Variants in ERC2 observed in about 807,000 individuals in gnomAD.
ERC2 encodes ERC protein 2.
Under a neutral mutation model 114.8 loss-of-function variants are expected in ERC2, and 42 were observed. The observed-to-expected ratio is 0.37, with a 90% CI of 0.29 to 0.47. ERC2 has a LOEUF of 0.47. Among genes scored for constraint, ERC2 ranks in the 20% least tolerant of loss-of-function variants. The pLI is 0.99. For synonymous variants in ERC2, 454 were observed against 425.5 expected, an observed-to-expected ratio of 1.07 and a Z score of -0.82; for missense variants, 939 against 1,150.7, an observed-to-expected ratio of 0.82 and a Z score of 2.66.
At chr3:55,594,063 C>T (rs755203342) in intron 17 of ERC2, among the ~76,000 whole-genome samples, 3 of 152,168 alleles carry the variant, frequency 2.0e-5, no homozygotes, top group Non-Finnish European at 4.4e-5. Context: ...GAACTGTCTC[C>T]CTCTTTTACT....
intron 3 of ERC2, among the ~76,000 whole-genome samples, chr3:56,204,271 T>C (rs895023752): frequency 6.6e-6 from 1 of 152,136 alleles, no homozygotes; most frequent in African/African-American, 2.4e-5. Flanking sequence ...GTTGTTTGTC[T>C]TGCTCACAAC....
rs532614227 is a variant in ERC2, at chr3:55,592,148, C to T, written c.*40-80872G>A. Among the ~76,000 whole-genome samples the T allele has an allele frequency of 5.3e-5, 8 of 152,272 alleles. No individual in the cohort carries two copies. In the South Asian group the frequency reaches 1.0e-3, roughly 20 times the overall value. ...CCTTGAGCCTCTGGTTGCTCATGAA[C>T]GAATCCGGCTTCCTCAAAGTCTGCC... is the stretch of plus-strand genomic sequence containing the variant. On this transcript the variant is annotated intron_variant, in intron 17 of 17. Transcript: ENST00000288221.
chr3:56,164,575 C>A (rs536633840), intron 4 of ERC2, among the ~76,000 whole-genome samples: 4 of 151,926 alleles, frequency 2.6e-5, no homozygotes, highest in African/African-American at 7.2e-5. Flanking sequence ...GTGTTTTGTG[C>A]GGACATATGT....
chr3:56,389,256 G>A (rs1042178956), intron 2 of ERC2, among the ~76,000 whole-genome samples: 25 of 152,110 alleles, frequency 1.6e-4, no homozygotes, highest in African/African-American at 5.8e-4. Flanking sequence ...TGGAGAAATC[G>A]TGCTAGTCAA....
chr3:55,723,802 A>AT (rs951390072), intron 15 of ERC2, among the ~76,000 whole-genome samples: 1 of 152,252 alleles, frequency 6.6e-6, no homozygotes, highest in African/African-American at 2.4e-5. Flanking sequence ...GACAAAATCA[A>AT]TATCACTTTA....
intron 14 of ERC2, among the ~76,000 whole-genome samples, chr3:55,780,443 A>G (rs2068946839): frequency 2.0e-5 from 3 of 152,222 alleles, no homozygotes; most frequent in African/African-American, 7.2e-5. Context: ...TTCCATTCAT[A>G]ATAGCTAATA....
chr3:56,006,179 T>C (rs563708450), intron 10 of ERC2, among the ~76,000 whole-genome samples: 1 of 152,176 alleles, frequency 6.6e-6, no homozygotes, highest in African/African-American at 2.4e-5. Flanking sequence ...CCTAAACATC[T>C]CTGTAAAGTG....
intron 7 of ERC2, among the ~76,000 whole-genome samples, chr3:56,053,257 G>C (rs1482974544): frequency 6.6e-6 from 1 of 152,118 alleles, no homozygotes; most frequent in Non-Finnish European, 1.5e-5. Context: ...GCCACGAGTG[G>C]GTAAACTGAA....
chr3:56,390,686 CTTAAG>C (rs1467324842), intron 2 of ERC2, among the ~76,000 whole-genome samples: 1 of 152,154 alleles, frequency 6.6e-6, no homozygotes, highest in African/African-American at 2.4e-5. Context: ...CAAGAAGATT[CTTAAG>C]TTATCTTTGG....
Position 55,709,526 on chromosome 3 carries a change from A to G in ERC2, c.2713-10014T>C, listed in dbSNP as rs568166900. On this transcript the variant is annotated intron_variant, in intron 15 of 17. Coordinates refer to ENST00000288221, the MANE Select transcript of ERC2 (RefSeq NM_015576.3). ...GGAGAACGGACTGGGCAAGCAGAGG[A>G]GACTAGAAACTCAGGTCAGCCCAGA... Among the ~76,000 whole-genome samples the G allele has an allele frequency of 6.8e-4, 104 of 152,228 alleles. 1 individual carries two copies. Among genetic ancestry groups the G allele is most frequent in the Non-Finnish European group, 8.1e-4 (55 of 68,024 alleles).
chr3:55,767,484 G>A (rs1212798170), intron 14 of ERC2, among the ~76,000 whole-genome samples: 4 of 152,242 alleles, frequency 2.6e-5, no homozygotes, highest in South Asian at 2.1e-4. Context: ...GTGGACAGAC[G>A]CCCAGCTCCA....
intron 17 of ERC2, among the ~76,000 whole-genome samples, chr3:55,621,893 A>T (rs1419508875): frequency 6.6e-6 from 1 of 152,218 alleles, no homozygotes; most frequent in African/African-American, 2.4e-5. Context: ...CATCCCTGCC[A>T]AGCAGCAGTG....
chr3:55,828,676 G>A (rs1157793571), intron 14 of ERC2, among the ~76,000 whole-genome samples: 4 of 152,210 alleles, frequency 2.6e-5, no homozygotes, highest in East Asian at 1.9e-4. Context: ...CTGTGCATGT[G>A]TACAATAGAT....
At chr3:56,072,249 G>A (rs1224790755) in intron 7 of ERC2, 2 of 153,658 alleles carry the variant, frequency 1.3e-5, no homozygotes, top group Admixed American at 6.6e-5. Context: ...TGGTCAAAGA[G>A]GACGACATCC....
intron 3 of ERC2, among the ~76,000 whole-genome samples, chr3:56,198,059 G>T (rs1473162107): frequency 1.3e-5 from 2 of 152,148 alleles, no homozygotes; most frequent in African/African-American, 4.8e-5. Context: ...CATACAAATG[G>T]ATGATGACCA....
intron 3 of ERC2, among the ~76,000 whole-genome samples, chr3:56,176,543 A>C (rs1273753025): frequency 6.6e-6 from 1 of 152,034 alleles, no homozygotes; most frequent in African/African-American, 2.4e-5. Context: ...CCTCTGTGTC[A>C]CTCCTTTAAA....
chr3:55,580,051 T>C (rs2057181531), intron 17 of ERC2, among the ~76,000 whole-genome samples: 1 of 152,232 alleles, frequency 6.6e-6, no homozygotes, highest in Non-Finnish European at 1.5e-5. Flanking sequence ...AAAGGTGATA[T>C]GATAGTTTGG....
intron 13 of ERC2, among the ~76,000 whole-genome samples, chr3:55,926,410 G>GTT (rs751754925): frequency 4.4e-4 from 6 of 13,528 alleles, no homozygotes; most frequent in Non-Finnish European, 8.1e-4. Flanking sequence ...TTTGTTTTTT[G>GTT]TTTTTAAAAA....
chr3:55,592,840 C>T (rs1412696892), intron 17 of ERC2, among the ~76,000 whole-genome samples: 1 of 152,192 alleles, frequency 6.6e-6, no homozygotes, highest in Admixed American at 6.5e-5. Flanking sequence ...CACCTACCCA[C>T]CTTTGGTAGC....
Sources: allele counts gnomAD v4.1 joint callset (sites outside exome capture counted in the v4.1 genomes callset), GRCh38; gene constraint gnomAD v4.1.1; transcripts MANE v1.5; gene names NCBI Gene and HGNC (gene_info 2026-07-23, HGNC 2026-07-21).